The following KAZN variants were observed in gnomAD, a reference collection of about 807,000 sequenced individuals.
The protein encoded by KAZN is kazrin, periplakin interacting protein.
In KAZN, 40 loss-of-function variants were observed where a neutral mutation model predicts 87.4. The ratio of observed to expected loss-of-function variants is 0.46; its 90% CI spans 0.36 to 0.60. KAZN has a LOEUF of 0.60. KAZN is among the 20% of genes least tolerant of loss of function. KAZN has a pLI of 0.00. For synonymous variants in KAZN, 466 were observed against 458.3 expected (o/e 1.02, Z -0.22); for missense variants, 898 against 1,073.9 (o/e 0.84, Z 2.29).
intron 1 of KAZN, among the ~76,000 whole-genome samples, chr1:14,023,975 C>T (rs1399482060): frequency 6.6e-6 from 1 of 152,158 alleles, no homozygotes; most frequent in Non-Finnish European, 1.5e-5. Flanking sequence ...ATGGACAGTA[C>T]ACGGATCCCG....
intron 1 of KAZN, among the ~76,000 whole-genome samples, chr1:14,629,757 G>C (rs1266878505): frequency 1.3e-5 from 2 of 152,188 alleles, no homozygotes; most frequent in Non-Finnish European, 2.9e-5. Context: ...CACTGAAGAA[G>C]GGTGTGGTGG....
chr1:14,638,715 C>T (rs149281625), intron 1 of KAZN, among the ~76,000 whole-genome samples: 18 of 152,228 alleles, frequency 1.2e-4, no homozygotes, highest in East Asian at 5.8e-4. Flanking sequence ...TTGAGTGTGC[C>T]GCTAGAACGG....
intron 2 of KAZN, among the ~76,000 whole-genome samples, chr1:14,283,113 A>C (rs1652977736): frequency 2.0e-5 from 3 of 152,160 alleles, no homozygotes; most frequent in Admixed American, 2.0e-4. Context: ...AAGCCAGATC[A>C]TTTCCTTTCT....
chr1:14,947,844 G>T (rs1008318835), intron 1 of KAZN, among the ~76,000 whole-genome samples: 2 of 152,230 alleles, frequency 1.3e-5, no homozygotes, highest in Admixed American at 6.5e-5. Flanking sequence ...AGTGGCTGTG[G>T]GTTGGTGCAA....
chr1:13,997,156 C>T (rs1186016688), intron 1 of KAZN, among the ~76,000 whole-genome samples: 2 of 145,452 alleles, frequency 1.4e-5, no homozygotes, highest in African/African-American at 2.6e-5. Context: ...AAACAAACAG[C>T]AAAAACAACA....
chr1:14,821,089 G>A (rs973675169), intron 1 of KAZN, among the ~76,000 whole-genome samples: 3 of 152,180 alleles, frequency 2.0e-5, no homozygotes, highest in African/African-American at 7.2e-5. Context: ...GTAGAGGCTG[G>A]AAGAAAAATG....
intron 1 of KAZN, among the ~76,000 whole-genome samples, chr1:13,996,018 T>C (rs1639496898): frequency 6.6e-6 from 1 of 152,080 alleles, no homozygotes; most frequent in Admixed American, 6.6e-5. Context: ...CTAACCAAGG[T>C]ATCCAGGTTC....
chr1:13,969,316 C>T (rs1642055238), intron 1 of KAZN, among the ~76,000 whole-genome samples: 2 of 152,138 alleles, frequency 1.3e-5, no homozygotes, highest in African/African-American at 4.8e-5. Flanking sequence ...TGAGATCATA[C>T]TAGAATAGTG....
At chr1:14,068,333 T>C (rs72861260) in intron 1 of KAZN, among the ~76,000 whole-genome samples, 2,067 of 152,336 alleles carry the variant, frequency 0.014, 42 homozygotes, top group South Asian at 0.067. Context: ...TTATTGATGC[T>C]TGCTAGATAG....
chr1:14,904,677 C>T (rs1434513861), intron 1 of KAZN, among the ~76,000 whole-genome samples: 1 of 152,224 alleles, frequency 6.6e-6, no homozygotes, highest in Non-Finnish European at 1.5e-5. Context: ...TCTGGAATAA[C>T]GGCATCTTCC....
At chr1:14,707,849 A>G (rs1204034412) in intron 1 of KAZN, among the ~76,000 whole-genome samples, 1 of 152,210 alleles carries the variant, frequency 6.6e-6, no homozygotes, top group African/African-American at 2.4e-5. Context: ...TTAATTAAAT[A>G]TAATTTATCC....
At chr1:14,093,055 C>T (rs995533840) in intron 1 of KAZN, among the ~76,000 whole-genome samples, 21 of 152,164 alleles carry the variant, frequency 1.4e-4, no homozygotes, top group African/African-American at 5.1e-4. Flanking sequence ...GTCCCTGTTG[C>T]ATCTGCCCCA....
At chr1:14,044,531 A>G (rs55798545) in intron 1 of KAZN, among the ~76,000 whole-genome samples, 26,480 of 152,168 alleles carry the variant, frequency 0.17, 2,703 homozygotes, top group Non-Finnish European at 0.24. Flanking sequence ...ATATATATAA[A>G]TAAGTGCTAA....
chr1:14,860,705 A>G (rs977895010), intron 1 of KAZN, among the ~76,000 whole-genome samples: 1 of 152,188 alleles, frequency 6.6e-6, no homozygotes, highest in African/African-American at 2.4e-5. Flanking sequence ...CACTGCACAC[A>G]TATACCTACC....
chr1:14,600,444 G>A (rs914396153), intron 1 of KAZN, among the ~76,000 whole-genome samples: 27 of 152,102 alleles, frequency 1.8e-4, no homozygotes, highest in Non-Finnish European at 4.0e-4. Flanking sequence ...CTGCCCACGT[G>A]CAGTTTTATG....
intron 1 of KAZN, among the ~76,000 whole-genome samples, chr1:14,130,475 G>C (rs1477576419): frequency 1.3e-5 from 2 of 152,076 alleles, no homozygotes; most frequent in African/African-American, 2.4e-5. Context: ...TATTCATTTT[G>C]TTAATGCATG....
At chr1:14,137,027 A>G (rs1645122923) in intron 1 of KAZN, among the ~76,000 whole-genome samples, 1 of 152,188 alleles carries the variant, frequency 6.6e-6, no homozygotes, top group Non-Finnish European at 1.5e-5. Context: ...AAGCTCAGGA[A>G]GGATTTCTCC....
intron 2 of KAZN, among the ~76,000 whole-genome samples, chr1:14,437,345 G>A (rs1666452763): frequency 6.6e-6 from 1 of 152,324 alleles, no homozygotes; most frequent in South Asian, 2.1e-4. Flanking sequence ...GAACACAGTC[G>A]ATGAAACGCG....
At chr1:14,180,682 C>T in intron 2 of KAZN, 1 of 1,032,004 alleles carries the variant, frequency 9.7e-7, no homozygotes, top group Non-Finnish European at 1.4e-6. Context: ...TCAACTACCA[C>T]ACCTATTGAA....
Sources: gnomAD v4.1 joint callset for allele counts (sites outside exome capture counted in the v4.1 genomes callset) on GRCh38, gnomAD v4.1.1 for gene constraint, MANE v1.5 for transcripts, NCBI Gene and HGNC (gene_info 2026-07-23, HGNC 2026-07-21) for gene names.